FSIP2: variants seen among roughly 807,000 people sequenced by gnomAD.
FSIP2 encodes the protein fibrous sheath-interacting protein 2.
A neutral mutation model predicts 510.5 loss-of-function variants in FSIP2; 367 were observed. The ratio of observed to expected loss-of-function variants is 0.72; its 90% confidence interval spans 0.66 to 0.78. The LOEUF is 0.78. Among genes scored for constraint, FSIP2 ranks in the 30% least tolerant of loss-of-function variants. The pLI is 0.00. For missense variants in FSIP2, 7,594 were observed against 7,901.7 expected, an observed-to-expected ratio of 0.96 and a Z score of 1.48; for synonymous variants, 2,601 against 2,732.2, an observed-to-expected ratio of 0.95 and a Z score of 1.50.
chr2:185,783,467 C>T (rs898071626), intron 14 of FSIP2, among the ~76,000 whole-genome samples: 5 of 152,140 alleles, frequency 3.3e-5, no homozygotes, highest in Admixed American at 1.3e-4. Context: ...TTTACAAACC[C>T]CAAATTCCTA....
In FSIP2 at chr2:185,805,718, G is replaced by C. The variant is rs1353814899; in HGVS notation, c.16412G>C (p.Arg5471Thr). 3 of 1,606,862 alleles carry C rather than the reference G, an allele frequency of 1.9e-6. No homozygotes were observed. The highest frequency in any genetic ancestry group is 2.5e-6 in the Non-Finnish European group (3 of 1,177,612). ...GAAATAAATAGAGGTACAATGAATA[G>C]AAAGAAAAGTTTTAAAACCAAGGAC... ...TLEINRGTMNRKKSFKTKDTS... is the reference protein window; with the variant it reads ...TLEINRGTMNTKKSFKTKDTS... The change falls in exon 17 of 23, where the codon AGA becomes ACA. Residue 5471 changes from arginine (R) to threonine (T), a missense_variant. Coordinates refer to ENST00000424728, the MANE Select transcript of FSIP2 (RefSeq NM_173651.4).
chr2:185,802,798 T>G lies in FSIP2; in HGVS notation c.13492T>G (p.Ser4498Ala). 1 of 1,521,136 alleles carries G rather than the reference T, an allele frequency of 6.6e-7. No individual in the cohort carries two copies. Among genetic ancestry groups the G allele is most frequent in the Non-Finnish European group, 8.8e-7 (1 of 1,141,196 alleles). The allele number at this position is 1,521,136 out of a possible 1,614,324, so 94.2% of individuals were successfully genotyped here. Residue 4498 changes from serine to alanine, a missense_variant, in exon 17 of 23, where the codon TCA becomes GCA. Physicochemically the swap from Ser to Ala is moderately conservative, Grantham distance 99. Coordinates refer to ENST00000424728, the MANE Select transcript of FSIP2 (RefSeq NM_173651.4). ...VLNRDTQKDI[S>A]RVNFNDIASN... ...AAACAGAGACACCCAAAAAGATATA[T>G]CAAGAGTGAATTTCAATGACATTGC...
At chr2:185,821,674 A>G (rs1204575450) in intron 19 of FSIP2, among the ~76,000 whole-genome samples, 1 of 151,926 alleles carries the variant, frequency 6.6e-6, no homozygotes, top group Non-Finnish European at 1.5e-5. Flanking sequence ...CTGTAATCCC[A>G]GCACTTTGAG....
At chr2:185,750,437 G>A (rs556021719) in intron 7 of FSIP2, among the ~76,000 whole-genome samples, 79 of 151,560 alleles carry the variant, frequency 5.2e-4, no homozygotes, top group African/African-American at 1.7e-3. Context: ...TATCATTTGA[G>A]TATTTCTAGA....
In FSIP2 at chr2:185,808,018, T is replaced by A; in HGVS notation, c.18712T>A (p.Ser6238Thr). The change falls in exon 17 of 23, where the codon TCA becomes ACA. Residue 6238 changes from serine to threonine, a missense_variant. Coordinates refer to ENST00000424728, the MANE Select transcript of FSIP2 (RefSeq NM_173651.4). ...KIKLVPPTKESPTVPVADNAT... is the reference protein window; with the variant it reads ...KIKLVPPTKETPTVPVADNAT... ...TAAACTTGTACCACCCACCAAGGAATCACCTACTGTGCCTGTAGCTGATAA... is the reference window on the plus strand; with the variant it reads ...TAAACTTGTACCACCCACCAAGGAAACACCTACTGTGCCTGTAGCTGATAA... The A allele has an allele frequency of 6.2e-7, 1 of 1,611,966 alleles. No homozygotes were observed. The highest frequency in any genetic ancestry group is 1.3e-5 in the African/African-American group (1 of 74,946).
Position 185,804,349 on chromosome 2 carries a change from G to C in FSIP2, c.15043G>C (p.Glu5015Gln), listed in dbSNP as rs1478624533. 3 of 1,504,454 alleles carry C rather than the reference G, an allele frequency of 2.0e-6. No individual in the cohort carries two copies. In the African/African-American group the frequency reaches 4.2e-5, roughly 21 times the overall value. 93.2% of individuals were successfully genotyped at this position (1,504,454 alleles called of 1,614,324 possible). A position where few individuals can be genotyped will look rare whatever the true frequency, so the allele number is the denominator to read the frequency against. Residue 5015 changes from glutamate to glutamine, a missense_variant, in exon 17 of 23, where the codon GAA becomes CAA. Glu to Gln is a conservative substitution (Grantham distance 29). Transcript: ENST00000424728. ...DNFDKNLCFS[E>Q]RYKEMVQKIV... Reference sequence around the variant, plus strand: ...CTTTGATAAAAATTTGTGTTTCTCAGAAAGATACAAAGAAATGGTTCAAAA... The same window carrying C: ...CTTTGATAAAAATTTGTGTTTCTCACAAAGATACAAAGAAATGGTTCAAAA...
chr2:185,808,178 A>G lies in FSIP2; in HGVS notation c.18872A>G (p.Asn6291Ser), dbSNP rs1199632362. The G allele has an allele frequency of 1.9e-6, 3 of 1,611,852 alleles. No individual in the cohort carries two copies. Among genetic ancestry groups the G allele is most frequent in the Non-Finnish European group, 2.5e-6 (3 of 1,179,022 alleles). Residue 6291 changes from asparagine to serine, a missense_variant, in exon 17 of 23, where the codon AAT (asparagine) becomes AGT (serine). Transcript: ENST00000424728. ...GATACAATAGGCTTTTTAATGGTGAATGCAATTTCGAATTCTGAATTTCAA... is the reference window on the plus strand; with the variant it reads ...GATACAATAGGCTTTTTAATGGTGAGTGCAATTTCGAATTCTGAATTTCAA... ...LSDTIGFLMV[N>S]AISNSEFQPQ...
Position 185,792,256 on chromosome 2 carries a change from C to G in FSIP2, c.5120C>G (p.Thr1707Ser). ...EMESEGGGIE[T>S]YRYRPTYGSL... ...GAATCTGAAGGGGGAGGCATTGAAA[C>G]TTATCGATACAGGCCAACATATGGA... Residue 1707 changes from threonine (T) to serine (S), a missense_variant, in exon 16 of 23, where the codon ACT (threonine) becomes AGT (serine). By Grantham distance (58) the Thr-to-Ser change is moderately conservative (BLOSUM62 1). Transcript: ENST00000424728. 6.5e-7 allele frequency: 1 copy of G among 1,533,320 alleles called. No homozygotes were observed. Among genetic ancestry groups the G allele is most frequent in the Non-Finnish European group, 8.7e-7 (1 of 1,145,204 alleles). The allele number at this position is 1,533,320 out of a possible 1,614,324, so 95.0% of individuals were successfully genotyped here.
In FSIP2 at chr2:185,797,475, A is replaced by G; in HGVS notation, c.10339A>G (p.Arg3447Gly). The change falls in exon 16 of 23, where the codon AGA (arginine) becomes GGA (glycine). Residue 3447 changes from arginine (R) to glycine (G), a missense_variant. Transcript: ENST00000424728. ...TTCCAATGAAGTTCATCTGATAGCA[A>G]GACATGTCACCACATCTGTGGTCAC... is the stretch of plus-strand genomic sequence containing the variant. ...MGSNEVHLIA[R>G]HVTTSVVTYL... is the part of the protein sequence containing the mutation. 6.6e-7 allele frequency: 1 copy of G among 1,522,260 alleles called. No homozygotes were observed. The highest frequency in any genetic ancestry group is 8.7e-7 in the Non-Finnish European group (1 of 1,143,014). The allele number at this position is 1,522,260 out of a possible 1,614,324, so 94.3% of individuals were successfully genotyped here.
intron 12 of FSIP2, 38 bp from the exon 13 acceptor site, chr2:185,764,464 T>G (rs12998112): frequency 0.32 from 417,533 of 1,315,960 alleles, 68,200 homozygotes; most frequent in Admixed American, 0.37. Context: ...AAATTTTTTT[T>G]TGTGGATCTA....
chr2:185,830,452 G>C (rs1329536055), intron 21 of FSIP2, among the ~76,000 whole-genome samples: 1 of 151,864 alleles, frequency 6.6e-6, no homozygotes, highest in Non-Finnish European at 1.5e-5. Flanking sequence ...AGCTGTAGGG[G>C]ATTGGTTCCA....
In FSIP2 at chr2:185,803,860, C is replaced by A; in HGVS notation, c.14554C>A (p.Gln4852Lys). 6.6e-7 allele frequency: 1 copy of A among 1,514,388 alleles called. No homozygotes were observed. The highest frequency in any genetic ancestry group is 8.8e-7 in the Non-Finnish European group (1 of 1,135,412). The allele number at this position is 1,514,388 out of a possible 1,614,324, so 93.8% of individuals were successfully genotyped here. The stretch of plus-strand genomic sequence containing the variant: ...TATTATTAAATATGGGAATAAAAAA[C>A]AGAGTATGATTTCAGCAAAAGATAT... The part of the protein sequence containing the change: ...ICIIKYGNKK[Q>K]SMISAKDIQS... Residue 4852 changes from glutamine (Q) to lysine (K), a missense_variant, in exon 17 of 23, where the codon CAG becomes AAG. Physicochemically the swap from Gln to Lys is moderately conservative, Grantham distance 53. Coordinates refer to ENST00000424728, the MANE Select transcript of FSIP2 (RefSeq NM_173651.4).
chr2:185,748,559 G>C (rs1470885810), intron 7 of FSIP2, among the ~76,000 whole-genome samples: 1 of 151,958 alleles, frequency 6.6e-6, no homozygotes, highest in Non-Finnish European at 1.5e-5. Flanking sequence ...GGCAGAGCAA[G>C]ACTCCATCTC....
chr2:185,755,629 AAGG>A (rs1347026418), intron 8 of FSIP2, among the ~76,000 whole-genome samples: 1 of 151,584 alleles, frequency 6.6e-6, no homozygotes, highest in Non-Finnish European at 1.5e-5. Context: ...AAGTAAAAGA[AAGG>A]AAGTATCAGA....
At chr2:185,781,231 G>A (rs947431134) in intron 13 of FSIP2, among the ~76,000 whole-genome samples, 1 of 151,940 alleles carries the variant, frequency 6.6e-6, no homozygotes, top group East Asian at 1.9e-4. Flanking sequence ...CAACCATTCC[G>A]TTTTTCACTT....
Position 185,804,529 on chromosome 2 carries a change from T to G in FSIP2, c.15223T>G (p.Ser5075Ala). The change falls in exon 17 of 23, where the codon TCA becomes GCA. Residue 5075 changes from serine to alanine, a missense_variant. By Grantham distance (99) the Ser-to-Ala change is moderately conservative. Coordinates refer to ENST00000424728, the MANE Select transcript of FSIP2 (RefSeq NM_173651.4). ...TGATTATCAAGTGCAGTCATTAGTT[T>G]CAGGAGAATTAGAGTCTTCTTCTTA... ...IYDYQVQSLV[S>A]GELESSSYSY... is the part of the protein sequence containing the mutation. 1 of 1,519,674 alleles carries G rather than the reference T, an allele frequency of 6.6e-7. No homozygotes were observed. The highest frequency in any genetic ancestry group is 1.2e-5 in the South Asian group (1 of 81,104). The allele number at this position is 1,519,674 out of a possible 1,614,324, so 94.1% of individuals were successfully genotyped here.
In FSIP2 at chr2:185,790,391, T is replaced by C. The variant is rs1442975069; in HGVS notation, c.3255T>C (p.Leu1085=). Residue 1085 remains leucine (L), a synonymous_variant, in exon 16 of 23, where the codon CTT becomes CTC. Transcript: ENST00000424728. ...TNHEDILKKK[L]SSNKDISTFS... ...ATGAAGATATTTTAAAGAAAAAACT[T>C]TCTTCGAATAAAGACATTTCAACTT... 6.5e-7 allele frequency: 1 copy of C among 1,527,586 alleles called. No homozygotes were observed. The allele number at this position is 1,527,586 out of a possible 1,614,324, so 94.6% of individuals were successfully genotyped here. A position where few individuals can be genotyped will look rare whatever the true frequency, so the allele number is the denominator to read the frequency against.
intron 13 of FSIP2, among the ~76,000 whole-genome samples, chr2:185,769,250 C>A (rs760347700): frequency 7.9e-5 from 12 of 152,164 alleles, no homozygotes; most frequent in Non-Finnish European, 1.6e-4. Context: ...ACACTCCCAC[C>A]AACAATGTAT....
At chr2:185,817,497 G>A (rs1693846917) in intron 19 of FSIP2, among the ~76,000 whole-genome samples, 1 of 151,934 alleles carries the variant, frequency 6.6e-6, no homozygotes, top group Admixed American at 6.6e-5. Flanking sequence ...GTTTGGGGAA[G>A]CACAAACACA....
Sources: allele counts gnomAD v4.1 joint callset (sites outside exome capture counted in the v4.1 genomes callset), GRCh38; gene constraint gnomAD v4.1.1; transcripts MANE v1.5; gene names NCBI Gene and HGNC (gene_info 2026-07-23, HGNC 2026-07-21).